TMEM165: variants seen among roughly 807,000 people sequenced by gnomAD.
The protein encoded by TMEM165 is putative divalent cation/proton antiporter TMEM165.
A neutral mutation model predicts 30.0 loss-of-function variants in TMEM165; 19 were observed. The ratio of observed to expected loss-of-function variants is 0.63; its 90% confidence interval spans 0.44 to 0.93. The LOEUF (loss-of-function observed/expected upper bound fraction) is 0.93. TMEM165 is among the 40% of genes least tolerant of loss of function. TMEM165 has a pLI of 0.00. For synonymous variants in TMEM165, 168 were observed against 162.9 expected, an observed-to-expected ratio of 1.03 and a Z score of -0.24; for missense variants, 340 against 417.0, an observed-to-expected ratio of 0.82 and a Z score of 1.61.
chr4:55,453,268 T>C lies in TMEM165; in HGVS notation c.*962T>C, dbSNP rs552828753. The C allele has an allele frequency of 3.3e-5, 23 of 705,216 alleles. No individual in the cohort carries two copies. In the East Asian group the frequency reaches 5.2e-4, roughly 16 times the overall value. The allele number at this position is 705,216 out of a possible 1,614,324, so 43.7% of individuals were successfully genotyped here. A position where few individuals can be genotyped will look rare whatever the true frequency, so the allele number is the denominator to read the frequency against. On this transcript the variant is annotated 3_prime_UTR_variant, in exon 4 of 4. Transcript: ENST00000608091. ...CTATGTGCTACACAAACCTAAAATA[T>C]ACCTATAATGTCTTAATTTAACTTG...
chr4:55,417,568 C>T, intron 3 of TMEM165: 2 of 549,182 alleles, frequency 3.6e-6, no homozygotes, highest in East Asian at 6.0e-5. Flanking sequence ...AGTAAGTGAG[C>T]AGAGCAGTAA....
rs1322849383 is a variant in TMEM165, at chr4:55,424,866, GCTT to G, written c.898+227_898+229del. 1.2e-5 allele frequency: 6 copies of G among 502,138 alleles called. No individual in the cohort carries two copies. The East Asian group carries it at 2.1e-4, about 18-fold the overall frequency. The allele number at this position is 502,138 out of a possible 1,614,324, so 31.1% of individuals were successfully genotyped here. ...AGTCATTTTTATCGAATTCATAGTA[GCTT>G]CTTGTTAACATATTATCTTAGTAAA... On this transcript the variant is annotated intron_variant, in intron 5 of 5. Transcript: ENST00000381334.
intron 3 of TMEM165, chr4:55,449,507 C>T (rs1424658500): frequency 6.5e-5 from 105 of 1,604,278 alleles, no homozygotes; most frequent in Non-Finnish European, 8.8e-5. Flanking sequence ...CTGAAGTCAA[C>T]AAAATCAGAA....
At chr4:55,451,622 A>C (rs1185071267) in intron 3 of TMEM165, among the ~76,000 whole-genome samples, 2 of 152,196 alleles carry the variant, frequency 1.3e-5, no homozygotes, top group African/African-American at 4.8e-5. Context: ...TGTATTTTGG[A>C]AACAGGGCTA....
At position 55,439,415 on chromosome 4, in the gene TMEM165, G is replaced by A. The variant is rs115874551; in HGVS notation, c.409-12824G>A. Among the ~76,000 whole-genome samples the A allele has an allele frequency of 3.4e-3, 525 of 152,196 alleles. 1 individual carries two copies. The highest frequency in any genetic ancestry group is 0.01 in the Middle Eastern group (3 of 294). On this transcript the variant is annotated intron_variant, in intron 3 of 3. Coordinates refer to the TMEM165 transcript ENST00000608091. ...AGAGAAACCTTGTGCAGTGCTGGTG[G>A]GAATGTAAAAATGGTGCAGCCACTA...
At chr4:55,453,056 T>G in exon 4 of TMEM165, 1 of 1,606,346 alleles carries the variant, frequency 6.2e-7, no homozygotes, top group Non-Finnish European at 8.5e-7. Flanking sequence ...AAACATACTT[T>G]GTCAGCAGCT....
At chr4:55,408,517 CAT>C (rs1391933490) in intron 1 of TMEM165, among the ~76,000 whole-genome samples, 4 of 152,012 alleles carry the variant, frequency 2.6e-5, no homozygotes, top group African/African-American at 7.3e-5. Context: ...TATAAAAAAA[CAT>C]AGAAAAGGTA....
intron 4 of TMEM165, among the ~76,000 whole-genome samples, chr4:55,418,861 G>A (rs939318817): frequency 4.8e-4 from 73 of 152,122 alleles, no homozygotes; most frequent in African/African-American, 1.6e-3. Flanking sequence ...AGCCTGACCA[G>A]CATGGAGAAA....
chr4:55,427,786 A>G (rs747968792), downstream of TMEM165: 4 of 152,214 alleles, frequency 2.6e-5, no homozygotes, highest in Non-Finnish European at 5.9e-5. Flanking sequence ...GAGGCACCAC[A>G]ATCTTGTAGC....
intron 1 of TMEM165, among the ~76,000 whole-genome samples, chr4:55,400,207 ATATT>A (rs1371333941): frequency 1.9e-4 from 7 of 37,224 alleles, no homozygotes; most frequent in African/African-American, 5.2e-4. Flanking sequence ...TATATAATTT[ATATT>A]TATATTATAT....
At chr4:55,419,387 C>T (rs1291220788) in intron 4 of TMEM165, among the ~76,000 whole-genome samples, 2 of 152,158 alleles carry the variant, frequency 1.3e-5, no homozygotes, top group Non-Finnish European at 2.9e-5. Flanking sequence ...GACCTCAGCT[C>T]ATCTTGTAGC....
rs1722175106 is a variant in TMEM165, at chr4:55,425,907, T to A, written c.*455T>A. ...AGCCAGTAAACAGTAGTTTAATCAT[T>A]GGTCTTTTCAAAACTAGGTGTTTAA... is the stretch of plus-strand genomic sequence containing the variant. On this transcript the variant is annotated 3_prime_UTR_variant, in exon 6 of 6. Coordinates refer to ENST00000381334, the MANE Select transcript of TMEM165 (RefSeq NM_018475.5). 6.5e-6 allele frequency: 1 copy of A among 152,680 alleles called. No individual in the cohort carries two copies. The highest frequency in any genetic ancestry group is 2.1e-4 in the South Asian group (1 of 4,844). The allele number at this position is 152,680 out of a possible 1,614,324, so 9.5% of individuals were successfully genotyped here. A position where few individuals can be genotyped will look rare whatever the true frequency, so the allele number is the denominator to read the frequency against.
intron 2 of TMEM165, among the ~76,000 whole-genome samples, chr4:55,413,482 T>A (rs1721598169): frequency 6.6e-6 from 1 of 152,168 alleles, no homozygotes; most frequent in Non-Finnish European, 1.5e-5. Flanking sequence ...GCCTGGATAC[T>A]TATTGTATGT....
intron 3 of TMEM165, chr4:55,434,910 GTAAT>G (rs750277306): frequency 5.7e-6 from 1 of 176,894 alleles, no homozygotes; most frequent in Non-Finnish European, 1.2e-5. Flanking sequence ...CATTCTGAAA[GTAAT>G]TACTGTTCCA....
chr4:55,418,017 A>G (rs1578240763), intron 4 of TMEM165, 32 bp downstream of exon 4: 2 of 1,557,682 alleles, frequency 1.3e-6, no homozygotes, highest in East Asian at 2.3e-5. Flanking sequence ...ACTGTTTAAA[A>G]TGAAACGTAA....
At chr4:55,396,676 A>G (rs1012345535) in intron 1 of TMEM165, among the ~76,000 whole-genome samples, 1 of 152,218 alleles carries the variant, frequency 6.6e-6, no homozygotes, top group African/African-American at 2.4e-5. Flanking sequence ...CGTTTTATTG[A>G]TCAGATGTGT....
chr4:55,441,369 CCCA>C (rs1287159516), intron 3 of TMEM165, among the ~76,000 whole-genome samples: 3 of 152,146 alleles, frequency 2.0e-5, no homozygotes, highest in Non-Finnish European at 4.4e-5. Context: ...ATCCAGCAAT[CCCA>C]CTACTGGGTA....
intron 3 of TMEM165, among the ~76,000 whole-genome samples, chr4:55,440,530 A>T (rs1219995111): frequency 6.6e-6 from 1 of 152,238 alleles, no homozygotes; most frequent in Admixed American, 6.5e-5. Flanking sequence ...TACACTTAGT[A>T]CAGATCTTGA....
At chr4:55,398,188 A>G (rs985822726) in intron 1 of TMEM165, among the ~76,000 whole-genome samples, 1 of 152,244 alleles carries the variant, frequency 6.6e-6, no homozygotes, top group Non-Finnish European at 1.5e-5. Context: ...GCTGTCCCAG[A>G]TGTAGTAATC....
Sources: gnomAD v4.1 joint callset for allele counts (sites outside exome capture counted in the v4.1 genomes callset) on GRCh38, gnomAD v4.1.1 for gene constraint, MANE v1.5 for transcripts, NCBI Gene and HGNC (gene_info 2026-07-23, HGNC 2026-07-21) for gene names.